Variants in DMXL1 observed in about 807,000 individuals in gnomAD.
The protein encoded by DMXL1 is Dmx like 1, also known as dmX-like protein 1.
DMXL1 carries 99 observed loss-of-function variants against 319.2 expected under a neutral mutation model. That is an observed-to-expected ratio of 0.31 (90% CI 0.26 to 0.37). The LOEUF is 0.37. Among genes scored for constraint, DMXL1 ranks in the 10% least tolerant of loss-of-function variants. The probability of loss-of-function intolerance (pLI) is 1.00; values close to 1 mark genes in which losing one functional copy is unlikely to be tolerated. For missense variants in DMXL1, 3,745 were observed against 3,595.6 expected, an observed-to-expected ratio of 1.04 and a Z score of -1.06; for synonymous variants, 1,385 against 1,235.2, an observed-to-expected ratio of 1.12 and a Z score of -2.54.
chr5:119,193,853 G>C lies in DMXL1; in HGVS notation c.7340G>C (p.Arg2447Thr). ...CCTTTTCTACCCTCTTCTCAAAGTA[G>C]AGCCGAATATGATTCAGAGGAGAGT... ...AKPFLPSSQS[R>T]AEYDSEESLG... The change falls in exon 30 of 44, where the codon AGA becomes ACA. Residue 2447 changes from arginine to threonine, a missense_variant. By Grantham distance (71) the Arg-to-Thr change is moderately conservative. Coordinates refer to ENST00000539542, the MANE Select transcript of DMXL1 (RefSeq NM_001290321.3). The C allele has an allele frequency of 1.2e-6, 2 of 1,612,760 alleles. No homozygotes were observed. The highest frequency in any genetic ancestry group is 1.7e-6 in the Non-Finnish European group (2 of 1,179,524).
At chr5:119,169,821 ACT>A (rs1417009830) in intron 23 of DMXL1, among the ~76,000 whole-genome samples, 4 of 152,260 alleles carry the variant, frequency 2.6e-5, no homozygotes, top group East Asian at 1.9e-4. Context: ...ACCCTAGGAG[ACT>A]CTCAGTGTTC....
Position 119,118,853 on chromosome 5 carries a change from A to T in DMXL1, c.782A>T (p.Asp261Val). ...VCNVLLTCCKDNVCRLWVETF... is the reference protein window; with the variant it reads ...VCNVLLTCCKVNVCRLWVETF... ...AATGTACTGTTGACTTGCTGCAAAG[A>T]TAATGTGTGTCGTCTTTGGGTAGAG... Residue 261 changes from aspartate (D) to valine (V), a missense_variant, in exon 8 of 44, where the codon GAT becomes GTT. Physicochemically the swap from Asp to Val is radical, Grantham distance 152. Transcript: ENST00000539542. 6.2e-7 allele frequency: 1 copy of T among 1,613,718 alleles called. No individual in the cohort carries two copies. The highest frequency in any genetic ancestry group is 8.5e-7 in the Non-Finnish European group (1 of 1,179,884).
intron 1 of DMXL1, among the ~76,000 whole-genome samples, chr5:119,072,582 A>G (rs889256460): frequency 1.3e-5 from 2 of 152,224 alleles, no homozygotes; most frequent in Non-Finnish European, 2.9e-5. Context: ...AGTGACACAA[A>G]GTAAACAACG....
intron 10 of DMXL1, among the ~76,000 whole-genome samples, chr5:119,131,028 A>G (rs1764757906): frequency 1.3e-5 from 2 of 150,806 alleles, no homozygotes; most frequent in African/African-American, 2.4e-5. Flanking sequence ...GCCAGTTGAT[A>G]ACGGGACAAT....
rs577266607 is a variant in DMXL1, at chr5:119,081,041, T to C, written c.87+9385T>C. Reference sequence around the variant, plus strand: ...TATCTTATAATTCCTTTTTCAGATGTTACCCACTAGAATTGTACTACCTCT... The same window carrying C: ...TATCTTATAATTCCTTTTTCAGATGCTACCCACTAGAATTGTACTACCTCT... On this transcript the variant is annotated intron_variant, in intron 1 of 43. Coordinates refer to ENST00000539542, the MANE Select transcript of DMXL1 (RefSeq NM_001290321.3). Among the ~76,000 whole-genome samples the C allele has an allele frequency of 7.8e-4, 119 of 152,358 alleles. 1 individual carries two copies. Among genetic ancestry groups the C allele is most frequent in the African/African-American group, 2.7e-3 (112 of 41,576 alleles).
chr5:119,074,841 A>G (rs535879430), intron 1 of DMXL1, among the ~76,000 whole-genome samples: 1 of 152,322 alleles, frequency 6.6e-6, no homozygotes, highest in East Asian at 1.9e-4. Context: ...GTTTAAACCT[A>G]ACAGTAAGGT....
intron 29 of DMXL1, among the ~76,000 whole-genome samples, chr5:119,190,618 A>T (rs1268885737): frequency 2.0e-5 from 3 of 152,328 alleles, no homozygotes; most frequent in South Asian, 2.1e-4. Context: ...CCATAAAAAA[A>T]GTGATAGTAC....
In DMXL1 at chr5:119,133,358, C is replaced by T. The variant is rs767920133; in HGVS notation, c.1542C>T (p.Tyr514=). Residue 514 remains tyrosine, a synonymous_variant, in exon 11 of 44, where the codon TAC becomes TAT. Transcript: ENST00000539542. The part of the protein sequence containing the change: ...LVWHVDWLDE[Y]QPGMFRQVQV... ...GGCATGTGGATTGGCTGGATGAATA[C>T]CAGCCTGGTATGTTTCGTCAAGTAC... 6.2e-7 allele frequency: 1 copy of T among 1,613,052 alleles called. No individual in the cohort carries two copies. The highest frequency in any genetic ancestry group is 1.1e-5 in the South Asian group (1 of 91,064).
intron 1 of DMXL1, among the ~76,000 whole-genome samples, chr5:119,088,625 T>C (rs1055714197): frequency 6.6e-6 from 1 of 152,216 alleles, no homozygotes; most frequent in African/African-American, 2.4e-5. Flanking sequence ...TGTTTTACTT[T>C]GTTACTGTTT....
rs200428684 is a variant in DMXL1, at chr5:119,110,358, G to A, written c.497+75G>A. 1.9e-5 allele frequency: 25 copies of A among 1,317,426 alleles called. No homozygotes were observed. The East Asian group carries it at 6.5e-4, about 34-fold the overall frequency. 81.6% of individuals were successfully genotyped at this position (1,317,426 alleles called of 1,614,324 possible). On this transcript the variant is annotated intron_variant, in intron 5 of 43. Transcript: ENST00000539542. ...GTTTTATTATAAATGTATTTTAGTTGTGTAAAACCACACTGACATAAAAAG... is the reference window on the plus strand; with the variant it reads ...GTTTTATTATAAATGTATTTTAGTTATGTAAAACCACACTGACATAAAAAG...
intron 13 of DMXL1, among the ~76,000 whole-genome samples, chr5:119,135,335 A>T (rs1765761750): frequency 6.6e-6 from 1 of 150,898 alleles, no homozygotes; most frequent in East Asian, 1.9e-4. Flanking sequence ...GGATAGAAAC[A>T]GTGTTGCAGA....
rs192496348 is a variant in DMXL1, at chr5:119,116,074, G to A, written c.565-84G>A. 5.3e-5 allele frequency: 69 copies of A among 1,295,874 alleles called. 1 individual carries two copies. In the East Asian group the frequency reaches 1.4e-3, roughly 27 times the overall value. 80.3% of individuals were successfully genotyped at this position (1,295,874 alleles called of 1,614,324 possible). On this transcript the variant is annotated intron_variant, in intron 6 of 43. Coordinates refer to ENST00000539542, the MANE Select transcript of DMXL1 (RefSeq NM_001290321.3). ...TCCCATCCCCAAGTTCTTGCCATTG[G>A]GGAGAAAATTCTTACTTTTGCTATT...
chr5:119,072,394 A>G (rs1310541977), intron 1 of DMXL1, among the ~76,000 whole-genome samples: 2 of 152,174 alleles, frequency 1.3e-5, no homozygotes, highest in East Asian at 1.9e-4. Context: ...AATATAAGTC[A>G]GTAATTGCAC....
Position 119,186,845 on chromosome 5 carries a change from C to T in DMXL1, c.7136-2863C>T, listed in dbSNP as rs1455689226. Reference sequence around the variant, plus strand: ...GTTAAGGGAAGGAAGGTGTATTTGTCTGTACAGTCTACTATCTTGACATGG... The same window carrying T: ...GTTAAGGGAAGGAAGGTGTATTTGTTTGTACAGTCTACTATCTTGACATGG... On this transcript the variant is annotated intron_variant, in intron 28 of 43. Transcript: ENST00000539542. Among the ~76,000 whole-genome samples, 4 of 149,286 alleles carry T rather than the reference C, an allele frequency of 2.7e-5. No individual in the cohort carries two copies. The East Asian group carries it at 7.9e-4, about 30-fold the overall frequency.
chr5:119,132,316 A>G (rs1765089834), intron 10 of DMXL1, among the ~76,000 whole-genome samples: 3 of 152,200 alleles, frequency 2.0e-5, no homozygotes, highest in Non-Finnish European at 2.9e-5. Flanking sequence ...ATTGTCATCT[A>G]TAGATTGCTG....
At chr5:119,177,281 T>A (rs924591606) in intron 26 of DMXL1, 76 bp from the exon 27 acceptor site, 2 of 1,061,624 alleles carry the variant, frequency 1.9e-6, no homozygotes, top group Non-Finnish European at 1.3e-6. Context: ...AAATTGATAC[T>A]CTTGAAAGTA....
In DMXL1 at chr5:119,185,497, TTTTG is replaced by T. The variant is rs373141971; in HGVS notation, c.7136-4195_7136-4192del. Among the ~76,000 whole-genome samples the T allele has an allele frequency of 1.3e-3, 194 of 152,200 alleles. 1 individual carries two copies. Among genetic ancestry groups the T allele is most frequent in the African/African-American group, 3.9e-3 (162 of 41,522 alleles). The stretch of plus-strand genomic sequence containing the variant: ...TGGATAGTATCATCTTCCAGACTTT[TTTTG>T]TTTGTTTGTTTGTTTTTTTGAGACA... On this transcript the variant is annotated intron_variant, in intron 28 of 43. Transcript: ENST00000539542.
intron 43 of DMXL1, among the ~76,000 whole-genome samples, chr5:119,245,158 A>G (rs1789515627): frequency 6.6e-6 from 1 of 152,128 alleles, no homozygotes; most frequent in Non-Finnish European, 1.5e-5. Context: ...TAAGTCCAAG[A>G]CTCAGGGATC....
intron 41 of DMXL1, 27 bp from the exon 42 acceptor site, chr5:119,240,392 A>C: frequency 6.5e-7 from 1 of 1,537,414 alleles, no homozygotes; most frequent in East Asian, 2.3e-5. Flanking sequence ...TGTGTCACTC[A>C]GAAGTAATCT....
Sources: gnomAD v4.1 joint callset for allele counts (sites outside exome capture counted in the v4.1 genomes callset) on GRCh38, gnomAD v4.1.1 for gene constraint, MANE v1.5 for transcripts, NCBI Gene and HGNC (gene_info 2026-07-23, HGNC 2026-07-21) for gene names.